The following MICU3 variants were observed in gnomAD, a reference collection of about 807,000 sequenced individuals.
The protein encoded by MICU3 is mitochondrial calcium uptake 3, also known as calcium uptake protein 3, mitochondrial.
In MICU3, 62 loss-of-function variants were observed where a neutral mutation model predicts 66.5. The ratio of observed to expected loss-of-function variants is 0.93; its 90% CI spans 0.76 to 1.15. The LOEUF (loss-of-function observed/expected upper bound fraction) is 1.15, where lower values mean the gene tolerates loss of function less well. MICU3 is among the 50% of genes most tolerant of loss of function. The pLI is 0.00. For missense variants in MICU3, 779 were observed against 664.4 expected, an observed-to-expected ratio of 1.17 and a Z score of -1.90; for synonymous variants, 308 against 240.7, an observed-to-expected ratio of 1.28 and a Z score of -2.59.
chr8:17,113,276 C>T (rs555337017), intron 11 of MICU3, among the ~76,000 whole-genome samples: 1 of 152,324 alleles, frequency 6.6e-6, no homozygotes, highest in Non-Finnish European at 1.5e-5. Flanking sequence ...CTGCTCTTCT[C>T]TCTGTTCTCT....
intron 1 of MICU3, among the ~76,000 whole-genome samples, chr8:17,058,450 A>C (rs1817317726): frequency 6.6e-6 from 1 of 152,196 alleles, no homozygotes; most frequent in East Asian, 1.9e-4. Flanking sequence ...GTGATACAAG[A>C]TCATTGTCAT....
chr8:17,125,087 T>G (rs568549656), downstream of MICU3, among the ~76,000 whole-genome samples: 14 of 152,252 alleles, frequency 9.2e-5, no homozygotes, highest in Non-Finnish European at 1.5e-4. Context: ...TCTGCTCAGT[T>G]TTCCTGGTAT....
At chr8:17,104,533 C>A in intron 10 of MICU3, 42 bp downstream of exon 10, 1 of 1,068,988 alleles carries the variant, frequency 9.4e-7, no homozygotes, top group East Asian at 2.7e-5. Context: ...TATTAGCCTA[C>A]TGAAATCAGA....
At chr8:17,134,864 C>T in the MICU3 span, among the ~76,000 whole-genome samples, 2 of 152,226 alleles carry the variant, frequency 1.3e-5, no homozygotes, top group African/African-American at 2.4e-5. Flanking sequence ...AAAACACCCT[C>T]ACAGACACAC....
chr8:17,062,837 C>T (rs72607368), intron 1 of MICU3, among the ~76,000 whole-genome samples: 14,473 of 151,440 alleles, frequency 0.096, 970 homozygotes, highest in East Asian at 0.38. Context: ...TGAGATCATG[C>T]CACTGTACTC....
the MICU3 span, chr8:17,132,671 T>C: frequency 6.6e-6 from 1 of 152,204 alleles, no homozygotes; most frequent in East Asian, 1.9e-4. Context: ...TCCAATTCAG[T>C]GGAACCATTG....
In MICU3 at chr8:17,085,256, A is replaced by G; in HGVS notation, c.715A>G (p.Ile239Val). Residue 239 changes from isoleucine to valine, a missense_variant, in exon 6 of 15, where the codon ATA (isoleucine) becomes GTA (valine). Coordinates refer to ENST00000318063, the MANE Select transcript of MICU3 (RefSeq NM_181723.3). ...GGCAGAGCCACATGCAGGGTTCAGA[A>G]TAGCTTTCAACATGTTTGACACTGA... ...ILTKPHAGFR[I>V]AFNMFDTDGN... The G allele has an allele frequency of 6.2e-7, 1 of 1,611,296 alleles. No homozygotes were observed. Among genetic ancestry groups the G allele is most frequent in the Non-Finnish European group, 8.5e-7 (1 of 1,178,390 alleles).
chr8:17,083,833 G>C (rs967937578), intron 5 of MICU3, among the ~76,000 whole-genome samples: 3 of 152,032 alleles, frequency 2.0e-5, no homozygotes, highest in African/African-American at 7.2e-5. Context: ...ACAAAACAAT[G>C]ATGGATCCGA....
rs553374614 is a variant in MICU3, at chr8:17,117,179, T to G, written c.1524+579T>G. Among the ~76,000 whole-genome samples the G allele has an allele frequency of 6.6e-5, 10 of 152,080 alleles. No homozygotes were observed. The East Asian group carries it at 1.7e-3, about 26-fold the overall frequency. The stretch of plus-strand genomic sequence containing the variant: ...TTTTTTACTAGCAACGAGGTCACTC[T>G]GTTGCCCAGGCTGACGTTGAACTCC... On this transcript the variant is annotated intron_variant, in intron 13 of 14. Coordinates refer to ENST00000318063, the MANE Select transcript of MICU3 (RefSeq NM_181723.3).
chr8:17,077,018 G>A (rs990282578), intron 3 of MICU3, among the ~76,000 whole-genome samples: 6 of 152,050 alleles, frequency 3.9e-5, no homozygotes, highest in African/African-American at 1.4e-4. Flanking sequence ...TCACTTAGTC[G>A]TTTTTAACAG....
intron 1 of MICU3, among the ~76,000 whole-genome samples, chr8:17,045,413 C>G (rs1386659099): frequency 3.9e-5 from 6 of 152,156 alleles, no homozygotes; most frequent in African/African-American, 1.4e-4. Context: ...AACAGACAGG[C>G]CTGCTGGGTT....
intron 3 of MICU3, among the ~76,000 whole-genome samples, chr8:17,070,064 C>T (rs769178422): frequency 2.6e-5 from 4 of 152,020 alleles, no homozygotes; most frequent in East Asian, 1.9e-4. Context: ...GTAGTGCATG[C>T]GCATGTACCT....
At chr8:17,110,967 G>A (rs1802154447) in intron 11 of MICU3, among the ~76,000 whole-genome samples, 1 of 152,110 alleles carries the variant, frequency 6.6e-6, no homozygotes, top group South Asian at 2.1e-4. Context: ...TCCATTTTAT[G>A]TAAATACCAC....
intron 1 of MICU3, among the ~76,000 whole-genome samples, chr8:17,042,420 C>T (rs1157251527): frequency 6.6e-6 from 1 of 152,198 alleles, no homozygotes; most frequent in African/African-American, 2.4e-5. Flanking sequence ...CGATTTATGG[C>T]ATTGTCTATC....
chr8:17,116,952 T>A (rs1447508048), intron 13 of MICU3, among the ~76,000 whole-genome samples: 1 of 152,100 alleles, frequency 6.6e-6, no homozygotes, highest in Non-Finnish European at 1.5e-5. Flanking sequence ...ATATCACTAT[T>A]TGTCACTTTA....
intron 3 of MICU3, among the ~76,000 whole-genome samples, chr8:17,077,535 A>G (rs372563066): frequency 4.6e-5 from 7 of 152,152 alleles, no homozygotes; most frequent in African/African-American, 1.7e-4. Flanking sequence ...CCGTTATTCA[A>G]CTTATCTGAA....
chr8:17,042,290 C>G (rs1193267194), intron 1 of MICU3, among the ~76,000 whole-genome samples: 1 of 152,104 alleles, frequency 6.6e-6, no homozygotes, highest in East Asian at 1.9e-4. Flanking sequence ...CAAGTTTTAA[C>G]TGGATAATAT....
At chr8:17,045,709 A>T (rs1006353153) in intron 1 of MICU3, among the ~76,000 whole-genome samples, 5 of 152,190 alleles carry the variant, frequency 3.3e-5, no homozygotes, top group Non-Finnish European at 7.3e-5. Context: ...CATACCTGAG[A>T]TTGGGTAATT....
intron 14 of MICU3, among the ~76,000 whole-genome samples, chr8:17,119,367 T>C (rs1320547179): frequency 6.6e-6 from 1 of 152,172 alleles, no homozygotes; most frequent in Non-Finnish European, 1.5e-5. Context: ...GCGAGGAGTT[T>C]GTTTTTTTCT....
Sources: gnomAD v4.1 joint callset for allele counts (sites outside exome capture counted in the v4.1 genomes callset) on GRCh38, gnomAD v4.1.1 for gene constraint, MANE v1.5 for transcripts, NCBI Gene and HGNC (gene_info 2026-07-23, HGNC 2026-07-21) for gene names.